The following IFT88 variants were observed in gnomAD, a reference collection of about 807,000 sequenced individuals.
The protein encoded by IFT88 is intraflagellar transport 88.
A neutral mutation model predicts 119.5 loss-of-function variants in IFT88; 74 were observed. The ratio of observed to expected loss-of-function variants is 0.62; its 90% CI spans 0.51 to 0.75. The LOEUF is 0.75. Ranked by LOEUF, IFT88 falls within the 30% of genes least tolerant of loss-of-function variation. The pLI, the probability that IFT88 is intolerant of heterozygous loss-of-function variation, is 0.00. For synonymous variants in IFT88, 279 were observed against 316.7 expected, an observed-to-expected ratio of 0.88 and a Z score of 1.26; for missense variants, 961 against 977.7, an observed-to-expected ratio of 0.98 and a Z score of 0.23.
intron 18 of IFT88, 169 bp downstream of exon 18, chr13:20,641,567 C>A: frequency 2.2e-6 from 1 of 464,824 alleles, no homozygotes; most frequent in Non-Finnish European, 3.8e-6. Context: ...TTTGAGTAAT[C>A]CTATTTTAAG....
intron 4 of IFT88, among the ~76,000 whole-genome samples, chr13:20,590,162 T>C (rs1334440383): frequency 6.6e-6 from 1 of 152,184 alleles, no homozygotes; most frequent in Non-Finnish European, 1.5e-5. Context: ...TCCATTCATA[T>C]ATTTTATGTG....
rs181736086 is a variant in IFT88, at chr13:20,604,807, T to C, written c.1042-228T>C. Among the ~76,000 whole-genome samples, 32 of 152,068 alleles carry C rather than the reference T, an allele frequency of 2.1e-4. No individual in the cohort carries two copies. The East Asian group carries it at 5.6e-3, about 27-fold the overall frequency. The stretch of plus-strand genomic sequence containing the variant: ...TCATCTCTACAAAAAATACAAAAAT[T>C]AGCCAGGCATCATGGCATGCCCCTG... On this transcript the variant is annotated intron_variant, in intron 12 of 25. Coordinates refer to ENST00000351808, the MANE Select transcript of IFT88 (RefSeq NM_006531.5).
chr13:20,614,587 A>G (rs1469698081), intron 13 of IFT88, among the ~76,000 whole-genome samples: 1 of 152,154 alleles, frequency 6.6e-6, no homozygotes, highest in African/African-American at 2.4e-5. Flanking sequence ...GTTGGAGGAA[A>G]ACAAAGGAAT....
intron 21 of IFT88, among the ~76,000 whole-genome samples, chr13:20,656,121 T>A (rs1352499109): frequency 4.2e-4 from 1 of 2,374 alleles, no homozygotes. Context: ...CCTCGTCTCT[T>A]TAAAAAAAAA....
intron 20 of IFT88, among the ~76,000 whole-genome samples, chr13:20,651,800 T>C (rs1427330712): frequency 1.3e-5 from 2 of 152,182 alleles, no homozygotes; most frequent in Non-Finnish European, 2.9e-5. Context: ...GGTTCAGTAG[T>C]ATTTGTAGTT....
intron 24 of IFT88, among the ~76,000 whole-genome samples, chr13:20,675,168 G>C (rs919668375): frequency 2.6e-5 from 4 of 152,072 alleles, no homozygotes; most frequent in African/African-American, 9.7e-5. Flanking sequence ...GCTCTGAGGA[G>C]GTGCATAGGC....
intron 24 of IFT88, among the ~76,000 whole-genome samples, chr13:20,682,547 T>C (rs776215772): frequency 6.6e-6 from 1 of 152,184 alleles, no homozygotes; most frequent in African/African-American, 2.4e-5. Flanking sequence ...CTACTTATGG[T>C]TACTTTCTGT....
At chr13:20,643,130 A>G (rs1301948738) in intron 18 of IFT88, among the ~76,000 whole-genome samples, 1 of 152,144 alleles carries the variant, frequency 6.6e-6, no homozygotes, top group African/African-American at 2.4e-5. Flanking sequence ...GTTAAGAAAA[A>G]GAATAACTGG....
intron 1 of IFT88, chr13:20,567,939 C>A: frequency 1.4e-6 from 1 of 698,774 alleles, no homozygotes; most frequent in Non-Finnish European, 2.6e-6. Context: ...TTTGGCTTCC[C>A]TGGGCCACAT....
intron 17 of IFT88, 92 bp downstream of exon 17, chr13:20,638,610 A>C (rs1566302537): frequency 5.2e-6 from 4 of 762,592 alleles, no homozygotes; most frequent in Non-Finnish European, 7.5e-6. Context: ...CTAACACATT[A>C]GGAGGAGGAG....
Position 20,643,523 on chromosome 13 carries a change from C to G in IFT88, c.1751C>G (p.Thr584Ser). ...WLMQVVSVIP[T>S]DPQVLSKLGE... is the part of the protein sequence containing the mutation. The stretch of plus-strand genomic sequence containing the variant: ...ATGCAGGTGGTCAGTGTTATTCCAA[C>G]CGATCCTCAAGTTTTATCTAAGCTA... The change falls in exon 19 of 26, where the codon ACC (threonine) becomes AGC (serine). Residue 584 changes from threonine to serine, a missense_variant. Coordinates refer to ENST00000351808, the MANE Select transcript of IFT88 (RefSeq NM_006531.5). The G allele has an allele frequency of 6.2e-7, 1 of 1,612,050 alleles. No homozygotes were observed. The highest frequency in any genetic ancestry group is 8.5e-7 in the Non-Finnish European group (1 of 1,178,398).
intron 14 of IFT88, among the ~76,000 whole-genome samples, chr13:20,621,062 T>TTTTTG (rs763291266): frequency 3.4e-4 from 51 of 152,026 alleles, no homozygotes; most frequent in African/African-American, 8.7e-4. Context: ...TTTGGTGTTT[T>TTTTTG]TTTTGTTTTG....
At chr13:20,662,305 A>G (rs560145248) in intron 22 of IFT88, among the ~76,000 whole-genome samples, 26 of 152,216 alleles carry the variant, frequency 1.7e-4, no homozygotes, top group African/African-American at 5.1e-4. Flanking sequence ...ATACCCACAA[A>G]AAAAAAAGGC....
intron 3 of IFT88, 70 bp from the exon 4 acceptor site, chr13:20,589,741 T>C (rs895532080): frequency 1.2e-6 from 1 of 824,840 alleles, no homozygotes; most frequent in African/African-American, 1.7e-5. Flanking sequence ...ATATTTTCTA[T>C]TTCTTTTCCA....
intron 21 of IFT88, among the ~76,000 whole-genome samples, 153 bp downstream of exon 21, chr13:20,654,081 A>G (rs1167913223): frequency 6.6e-6 from 1 of 152,212 alleles, no homozygotes; most frequent in Non-Finnish European, 1.5e-5. Flanking sequence ...GAAAAACACA[A>G]TAATTACTAC....
intron 20 of IFT88, among the ~76,000 whole-genome samples, chr13:20,653,432 A>G (rs2052147720): frequency 1.3e-5 from 2 of 152,212 alleles, no homozygotes; most frequent in African/African-American, 4.8e-5. Context: ...TTTTTAATGG[A>G]CAAAAAGGGA....
intron 14 of IFT88, among the ~76,000 whole-genome samples, chr13:20,619,231 AAAAC>A (rs1431860190): frequency 3.3e-5 from 5 of 152,226 alleles, no homozygotes; most frequent in Admixed American, 6.5e-5. Flanking sequence ...GATACATCAC[AAAAC>A]AAACAAACAT....
At chr13:20,677,489 C>G (rs571727306) in intron 24 of IFT88, among the ~76,000 whole-genome samples, 1 of 152,140 alleles carries the variant, frequency 6.6e-6, no homozygotes, top group Admixed American at 6.5e-5. Flanking sequence ...AGCTGTGGTG[C>G]GCTGCCTCTT....
chr13:20,593,394 A>G (rs969798488), intron 7 of IFT88, among the ~76,000 whole-genome samples: 2 of 152,084 alleles, frequency 1.3e-5, no homozygotes, highest in Non-Finnish European at 2.9e-5. Context: ...TTCTAAGGCT[A>G]GTAAATGACA....
Sources: allele counts gnomAD v4.1 joint callset (sites outside exome capture counted in the v4.1 genomes callset), GRCh38; gene constraint gnomAD v4.1.1; transcripts MANE v1.5; gene names NCBI Gene and HGNC (gene_info 2026-07-23, HGNC 2026-07-21).